Variants in HRH1 observed in about 807,000 individuals in gnomAD.
The protein encoded by HRH1 is histamine H1 receptor.
HRH1 carries 6 observed loss-of-function variants against 10.3 expected under a neutral mutation model. That is an observed-to-expected ratio of 0.58 (90% confidence interval 0.32 to 1.15). HRH1 has a LOEUF of 1.15. Ranked by LOEUF, HRH1 falls within the 50% of genes most tolerant of loss-of-function variation. The pLI is 0.05. For synonymous variants in HRH1, 242 were observed against 236.7 expected (o/e 1.02, Z -0.21); for missense variants, 514 against 615.3 (o/e 0.84, Z 1.74).
At chr3:11,251,093 C>T (rs1322726442) in intron 1 of HRH1, among the ~76,000 whole-genome samples, 2 of 152,062 alleles carry the variant, frequency 1.3e-5, no homozygotes, top group African/African-American at 2.4e-5. Context: ...TTTTCTTTTT[C>T]TCTGGGGGAG....
At chr3:11,210,713 A>C (rs1938299305) in intron 1 of HRH1, among the ~76,000 whole-genome samples, 1 of 150,988 alleles carries the variant, frequency 6.6e-6, no homozygotes, top group Non-Finnish European at 1.5e-5. Flanking sequence ...GGATTGCTTG[A>C]GCTCGGGAGG....
intron 1 of HRH1, among the ~76,000 whole-genome samples, chr3:11,179,577 G>A (rs1336553564): frequency 9.3e-5 from 14 of 149,894 alleles, no homozygotes; most frequent in South Asian, 8.4e-4. Flanking sequence ...CTGAGATTAC[G>A]CCACTGCACT....
intron 1 of HRH1, among the ~76,000 whole-genome samples, chr3:11,204,512 G>A (rs1938044866): frequency 6.6e-6 from 1 of 152,070 alleles, no homozygotes; most frequent in South Asian, 2.1e-4. Flanking sequence ...AAGTGTGTAT[G>A]GCCAGAGCAT....
rs370611539 is a variant in HRH1, at chr3:11,256,855, TA to T, written c.-35-2146del. ...CTCAAGAACTTATCTGGCTTTGTCT[TA>T]ATGTAAAAATAATTTCTTTTTGCTA... On this transcript the variant is annotated intron_variant, in intron 1 of 1. Coordinates refer to ENST00000431010, the MANE Select transcript of HRH1 (RefSeq NM_001098212.2). Among the ~76,000 whole-genome samples, 501 of 151,782 alleles carry T rather than the reference TA, an allele frequency of 3.3e-3. 3 individuals carry two copies. Among genetic ancestry groups the T allele is most frequent in the South Asian group, 0.02 (97 of 4,822 alleles).
At chr3:11,183,515 C>G (rs1319876096) in intron 1 of HRH1, among the ~76,000 whole-genome samples, 1 of 152,138 alleles carries the variant, frequency 6.6e-6, no homozygotes, top group Non-Finnish European at 1.5e-5. Flanking sequence ...TTTCCTGCCC[C>G]AAAGCGCCTG....
At chr3:11,236,932 C>T (rs116775723) in intron 1 of HRH1, among the ~76,000 whole-genome samples, 4,045 of 152,290 alleles carry the variant, frequency 0.027, 181 homozygotes, top group African/African-American at 0.089. Context: ...GCATCTGCCT[C>T]TCTTTTTCTC....
chr3:11,188,492 C>T lies in HRH1; in HGVS notation c.-36+33938C>T, dbSNP rs534507224. 1.8e-4 allele frequency among the ~76,000 whole-genome samples: 27 copies of T among 152,222 alleles called. No homozygotes were observed. The South Asian group carries it at 4.8e-3, about 27-fold the overall frequency. The stretch of plus-strand genomic sequence containing the variant: ...ATTACTTGAACCCAGGAAGTGGAGG[C>T]AGCAGTGAGCTGAGATTGCGCCACT... On this transcript the variant is annotated intron_variant, in intron 1 of 1. Coordinates refer to ENST00000431010, the MANE Select transcript of HRH1 (RefSeq NM_001098212.2).
intron 1 of HRH1, among the ~76,000 whole-genome samples, chr3:11,167,793 A>T (rs1021450893): frequency 2.0e-5 from 3 of 152,240 alleles, no homozygotes; most frequent in Admixed American, 6.5e-5. Context: ...TAGTCATGAC[A>T]TCACGTGCTC....
At chr3:11,189,321 A>G (rs1160090481) in intron 1 of HRH1, among the ~76,000 whole-genome samples, 1 of 152,238 alleles carries the variant, frequency 6.6e-6, no homozygotes, top group Non-Finnish European at 1.5e-5. Flanking sequence ...ATTGAATCCA[A>G]GTATTCAATC....
chr3:11,231,171 G>T (rs1939028932), intron 1 of HRH1, among the ~76,000 whole-genome samples: 1 of 152,176 alleles, frequency 6.6e-6, no homozygotes, highest in African/African-American at 2.4e-5. Flanking sequence ...GATGGGAATA[G>T]GACTGGTGCA....
At chr3:11,149,540 C>G (rs1408217498), upstream of HRH1, among the ~76,000 whole-genome samples, 2 of 152,180 alleles carry the variant, frequency 1.3e-5, no homozygotes, top group African/African-American at 4.8e-5. Context: ...CTTGAGGGAT[C>G]AAGATCTCAG....
At chr3:11,220,966 G>A (rs1199049020) in intron 1 of HRH1, among the ~76,000 whole-genome samples, 1 of 152,150 alleles carries the variant, frequency 6.6e-6, no homozygotes, top group African/African-American at 2.4e-5. Flanking sequence ...CTTTAACTGA[G>A]ATGAGAAGGA....
intron 1 of HRH1, among the ~76,000 whole-genome samples, chr3:11,205,626 G>T (rs186026513): frequency 7.2e-5 from 11 of 151,826 alleles, no homozygotes; most frequent in Admixed American, 5.9e-4. Context: ...TTTCGCATGG[G>T]CAAGAGCTCT....
At chr3:11,145,840 T>C (rs981128235) in intron 1 of HRH1, among the ~76,000 whole-genome samples, 1 of 152,258 alleles carries the variant, frequency 6.6e-6, no homozygotes, top group African/African-American at 2.4e-5. Context: ...ATATGTTTAC[T>C]TTTTTGTGTT....
chr3:11,216,957 G>A (rs1160523783), intron 1 of HRH1, among the ~76,000 whole-genome samples: 1 of 152,038 alleles, frequency 6.6e-6, no homozygotes, highest in Non-Finnish European at 1.5e-5. Context: ...GCCGAGGCGG[G>A]CAGATTGCCT....
intron 1 of HRH1, among the ~76,000 whole-genome samples, chr3:11,169,819 T>C (rs1335177140): frequency 6.6e-6 from 1 of 152,186 alleles, no homozygotes; most frequent in East Asian, 1.9e-4. Flanking sequence ...CAAGAACTGC[T>C]CTGTTTGGGG....
rs1939778198 is a variant in HRH1, at chr3:11,256,255, G to A, written c.-35-2748G>A. Among the ~76,000 whole-genome samples the A allele has an allele frequency of 2.0e-5, 3 of 152,096 alleles. No individual in the cohort carries two copies. In the South Asian group the frequency reaches 6.2e-4, roughly 32 times the overall value. On this transcript the variant is annotated intron_variant, in intron 1 of 1. Coordinates refer to ENST00000431010, the MANE Select transcript of HRH1 (RefSeq NM_001098212.2). ...TTGCTCTGATTGGCACCTCAGAGCT[G>A]GAGGACATCAAAAAATACCGCTGTA...
chr3:11,227,404 A>C (rs907480682), intron 1 of HRH1, among the ~76,000 whole-genome samples: 9 of 151,250 alleles, frequency 6.0e-5, no homozygotes, highest in African/African-American at 2.2e-4. Context: ...CTCCTGCCTC[A>C]GCCTCCCAAG....
chr3:11,217,831 A>T (rs753642960), intron 1 of HRH1, among the ~76,000 whole-genome samples: 3 of 152,214 alleles, frequency 2.0e-5, no homozygotes, highest in Admixed American at 1.3e-4. Flanking sequence ...AACAGACATT[A>T]TATACCACCT....
Sources: allele counts gnomAD v4.1 joint callset (sites outside exome capture counted in the v4.1 genomes callset), GRCh38; gene constraint gnomAD v4.1.1; transcripts MANE v1.5; gene names NCBI Gene and HGNC (gene_info 2026-07-23, HGNC 2026-07-21).